EPHA2: variants seen among roughly 807,000 people sequenced by gnomAD.
EPHA2 encodes EPH receptor A2.
EPHA2 carries 54 observed loss-of-function variants against 104.9 expected under a neutral mutation model. The ratio of observed to expected loss-of-function variants is 0.51; its 90% CI spans 0.41 to 0.65. The LOEUF is 0.65. Ranked by LOEUF, EPHA2 falls within the 30% of genes least tolerant of loss-of-function variation. The pLI is 0.00. For missense variants in EPHA2, 1,117 were observed against 1,369.5 expected (o/e 0.82, Z 2.91); for synonymous variants, 560 against 559.1 (o/e 1.00, Z -0.02).
chr1:16,145,963 G>C (rs1048460659), intron 3 of EPHA2, among the ~76,000 whole-genome samples: 22 of 152,166 alleles, frequency 1.4e-4, no homozygotes, highest in Non-Finnish European at 2.5e-4. Flanking sequence ...TGTGGATTCC[G>C]CTCGCATGTC....
chr1:16,133,692 T>C, intron 9 of EPHA2, 86 bp from the exon 10 acceptor site: 1 of 1,588,118 alleles, frequency 6.3e-7, no homozygotes. Context: ...GGTCACGTGA[T>C]CTTCAGAGAC....
At chr1:16,149,450 A>C (rs1322615604) in intron 2 of EPHA2, among the ~76,000 whole-genome samples, 1 of 152,240 alleles carries the variant, frequency 6.6e-6, no homozygotes, top group Non-Finnish European at 1.5e-5. Flanking sequence ...GCACAAGGTA[A>C]CAGGCATACG....
intron 2 of EPHA2, among the ~76,000 whole-genome samples, chr1:16,149,970 C>T (rs1328318004): frequency 6.6e-6 from 1 of 152,170 alleles, no homozygotes; most frequent in Non-Finnish European, 1.5e-5. Context: ...GTGGCGTTGG[C>T]CAAGGCCCTA....
intron 1 of EPHA2, among the ~76,000 whole-genome samples, chr1:16,151,617 A>G (rs2025038518): frequency 1.3e-5 from 2 of 152,162 alleles, no homozygotes; most frequent in South Asian, 4.1e-4. Context: ...AAAGCCACAG[A>G]GCAGGCAGGA....
chr1:16,144,898 G>A (rs995867078), intron 3 of EPHA2, among the ~76,000 whole-genome samples: 1 of 152,238 alleles, frequency 6.6e-6, no homozygotes, highest in African/African-American at 2.4e-5. Flanking sequence ...GGTTGTGTGT[G>A]AAGATGGAAG....
intron 5 of EPHA2, among the ~76,000 whole-genome samples, chr1:16,136,988 T>C (rs886680600): frequency 6.6e-6 from 1 of 151,532 alleles, no homozygotes; most frequent in African/African-American, 2.4e-5. Context: ...TTAGTAGAGA[T>C]GGGGTTTCTC....
chr1:16,150,929 C>G lies in EPHA2; in HGVS notation c.120G>C (p.Glu40Asp). Residue 40 changes from glutamate (E) to aspartate (D), a missense_variant, in exon 2 of 17, where the codon GAG becomes GAC. Glu to Asp is a conservative substitution (Grantham distance 45). Around this residue, in one of 3 missense-constraint regions of EPHA2, gnomAD observed 664 missense variants for 784.8 expected, o/e 0.85. Transcript: ENST00000358432. This position sits in a 1 kb window ranked among gnomAD's most constrained non-coding sequence, Gnocchi z 4.8. ...CATACGGGTGTGTGAGCCAGCCGAGCTCCCCTCCAGCTGCAGCAAAGTCCA... is the reference window on the plus strand; with the variant it reads ...CATACGGGTGTGTGAGCCAGCCGAGGTCCCCTCCAGCTGCAGCAAAGTCCA... ...VLLDFAAAGG[E>D]LGWLTHPYGK... is the part of the protein sequence containing the mutation. 1 of 1,614,138 alleles carries G rather than the reference C, an allele frequency of 6.2e-7. No homozygotes were observed. Among genetic ancestry groups the G allele is most frequent in the Non-Finnish European group, 8.5e-7 (1 of 1,180,020 alleles).
intron 3 of EPHA2, among the ~76,000 whole-genome samples, chr1:16,144,742 A>G (rs894836122): frequency 7.2e-5 from 11 of 152,222 alleles, no homozygotes; most frequent in African/African-American, 2.7e-4. Context: ...TGCTAAGGTC[A>G]TACAGCCTGT....
chr1:16,155,298 C>T (rs1569626515), intron 1 of EPHA2: 1 of 152,432 alleles, frequency 6.6e-6, no homozygotes, highest in Admixed American at 6.5e-5. Context: ...AGGGATTGGC[C>T]CGAACCTATC....
chr1:16,136,763 A>AGAAGAAGAAGAAGAAGAAGAAGAG (rs2024717193), intron 5 of EPHA2, among the ~76,000 whole-genome samples: 2 of 148,988 alleles, frequency 1.3e-5, no homozygotes, highest in African/African-American at 5.1e-5. Flanking sequence ...AAGAAGAAGA[A>AGAAGAAGAAGAAGAAGAAGAAGAG]GAAGAAGAAG....
chr1:16,153,554 A>G (rs2025086465), intron 1 of EPHA2, among the ~76,000 whole-genome samples: 1 of 152,100 alleles, frequency 6.6e-6, no homozygotes, highest in South Asian at 2.1e-4. Flanking sequence ...CATGACACCA[A>G]CCACAAAGCA....
chr1:16,148,655 G>A lies in EPHA2; in HGVS notation c.546C>T (p.Phe182=). ...PLTRKGFYLA[F]QDIGACVALL... Reference sequence around the variant, plus strand: ...GCGCCACACAGGCACCGATATCCTGGAAGGCCAGGTAGAAGCCTTTGCGGG... The same window carrying A: ...GCGCCACACAGGCACCGATATCCTGAAAGGCCAGGTAGAAGCCTTTGCGGG... The change falls in exon 3 of 17, where the codon TTC becomes TTT. Residue 182 remains phenylalanine, a synonymous_variant. Coordinates refer to ENST00000358432, the MANE Select transcript of EPHA2 (RefSeq NM_004431.5). The surrounding 1 kb of genome is among the most constrained non-coding windows in gnomAD (Gnocchi z 4.9). 6.2e-7 allele frequency: 1 copy of A among 1,609,500 alleles called. No individual in the cohort carries two copies. Among genetic ancestry groups the A allele is most frequent in the Non-Finnish European group, 8.5e-7 (1 of 1,180,006 alleles).
chr1:16,136,766 A>AGAAGAAGAAGAAGAAGAG (rs1557507341), intron 5 of EPHA2, among the ~76,000 whole-genome samples: 2 of 149,886 alleles, frequency 1.3e-5, no homozygotes, highest in Non-Finnish European at 3.0e-5. Context: ...AAGAAGAAGA[A>AGAAGAAGAAGAAGAAGAG]GAAGAAGAAC....
In EPHA2 at chr1:16,124,407, A is replaced by T. The variant is rs1248567786; in HGVS notation, c.*808T>A. On this transcript the variant is annotated 3_prime_UTR_variant, in exon 17 of 17. Transcript: ENST00000358432. ...ATTTTCTAACAATAAATATAAAAAA[A>T]ATAATAAATTAAGATTCGAAAAAAA... 1 of 152,628 alleles carries T rather than the reference A, an allele frequency of 6.6e-6. No individual in the cohort carries two copies. The highest frequency in any genetic ancestry group is 1.5e-5 in the Non-Finnish European group (1 of 68,044). 9.5% of individuals were successfully genotyped at this position (152,628 alleles called of 1,614,324 possible). A position where few individuals can be genotyped will look rare whatever the true frequency, so the allele number is the denominator to read the frequency against.
In EPHA2 at chr1:16,125,329, C is replaced by A. The variant is rs886041412; in HGVS notation, c.2826-9G>T. On this transcript the variant is annotated splice_polypyrimidine_tract_variant and intron_variant, in intron 16 of 16. Transcript: ENST00000358432. This position sits in a 1 kb window ranked among gnomAD's most constrained non-coding sequence, Gnocchi z 4.9. ...CAATCCTCTTGATGTCGCTGTGGGC[C>A]GGGAGGGAGAGAGGGAGAGTTAGGG... The A allele has an allele frequency of 5.9e-6, 7 of 1,177,560 alleles. No individual in the cohort carries two copies. The East Asian group carries it at 4.6e-4, about 78-fold the overall frequency. 72.9% of individuals were successfully genotyped at this position (1,177,560 alleles called of 1,614,324 possible).
Position 16,128,338 on chromosome 1 carries a change from C to T in EPHA2, c.2825+1096G>A, listed in dbSNP as rs115762477. Among the ~76,000 whole-genome samples the T allele has an allele frequency of 4.1e-3, 629 of 152,298 alleles. 3 individuals are homozygous for T. The highest frequency in any genetic ancestry group is 0.015 in the African/African-American group (608 of 41,554). On this transcript the variant is annotated intron_variant, in intron 16 of 16. Coordinates refer to ENST00000358432, the MANE Select transcript of EPHA2 (RefSeq NM_004431.5). The surrounding 1 kb of genome is among the most constrained non-coding windows in gnomAD (Gnocchi z 4.7). ...TACGTGTCCCCGCCTCCCCTCTGGT[C>T]GGCTCTGTTCCTGCCTGCTTCCCAT... is the stretch of plus-strand genomic sequence containing the variant.
rs758639784 is a variant in EPHA2 at position 16,128,160 on chromosome 1, G to T, written c.2825+1274C>A. On this transcript the variant is annotated intron_variant, in intron 16 of 16. Transcript: ENST00000358432. The surrounding 1 kb of genome is among the most constrained non-coding windows in gnomAD (Gnocchi z 4.7). ...GTATACCAGTCGTGTCATCTGCGCT[G>T]CACCCATGCAATCCCATCAAACTTG... 6.6e-6 allele frequency among the ~76,000 whole-genome samples: 1 copy of T among 152,216 alleles called. No individual in the cohort carries two copies. Among genetic ancestry groups the T allele is most frequent in the Middle Eastern group, 3.2e-3 (1 of 316 alleles).
chr1:16,148,346 C>A lies in EPHA2; in HGVS notation c.823+32G>T. On this transcript the variant is annotated intron_variant, in intron 3 of 16. Coordinates refer to ENST00000358432, the MANE Select transcript of EPHA2 (RefSeq NM_004431.5). This position sits in a 1 kb window ranked among gnomAD's most constrained non-coding sequence, Gnocchi z 4.9. ...AGACCAGAACCTGGGAATGCAGAAC[C>A]CCCTTCCCTGCAACCCAGAACCGTC... 1 of 1,514,988 alleles carries A rather than the reference C, an allele frequency of 6.6e-7. No homozygotes were observed. The highest frequency in any genetic ancestry group is 8.8e-7 in the Non-Finnish European group (1 of 1,136,826). The allele number at this position is 1,514,988 out of a possible 1,614,324, so 93.8% of individuals were successfully genotyped here.
chr1:16,132,028 G>T (rs760467591), intron 13 of EPHA2, 36 bp downstream of exon 13: 9 of 1,613,458 alleles, frequency 5.6e-6, no homozygotes, highest in African/African-American at 1.3e-5. Context: ...CAGGGCGAAG[G>T]CCGCTTCTCC....
Sources: gnomAD v4.1 joint callset for allele counts (sites outside exome capture counted in the v4.1 genomes callset) on GRCh38, gnomAD v4.1.1 for gene constraint, gnomAD v4.1.1 regional missense constraint, Gnocchi (gnomAD v3.1) non-coding constraint, MANE v1.5 for transcripts, NCBI Gene and HGNC (gene_info 2026-07-23, HGNC 2026-07-21) for gene names.